The following SMIM13 variants were observed in gnomAD, a reference collection of about 807,000 sequenced individuals.
The protein encoded by SMIM13 is small integral membrane protein 13.
In SMIM13, 3 loss-of-function variants were observed where a neutral mutation model predicts 5.9. That is an observed-to-expected ratio of 0.51 (90% CI 0.23 to 1.31). The LOEUF is 1.31. SMIM13 is among the 40% of genes most tolerant of loss of function. SMIM13 has a pLI of 0.18. For synonymous variants in SMIM13, 55 were observed against 46.0 expected, an observed-to-expected ratio of 1.19 and a Z score of -0.79; for missense variants, 85 against 109.9, an observed-to-expected ratio of 0.77 and a Z score of 1.01.
intron 1 of SMIM13, chr6:11,105,305 G>A (rs1368952915): frequency 3.1e-6 from 5 of 1,610,512 alleles, no homozygotes; most frequent in African/African-American, 2.7e-5. Context: ...GCAGGAGCAG[G>A]CCCATGGTGA....
intron 1 of SMIM13, among the ~76,000 whole-genome samples, chr6:11,114,330 G>T (rs1758208556): frequency 6.6e-6 from 1 of 152,080 alleles, no homozygotes; most frequent in Non-Finnish European, 1.5e-5. Flanking sequence ...CATTGCACTG[G>T]CTAGGGCCTT....
At chr6:11,110,637 G>C (rs912196061) in intron 1 of SMIM13, among the ~76,000 whole-genome samples, 2 of 152,178 alleles carry the variant, frequency 1.3e-5, no homozygotes, top group Non-Finnish European at 2.9e-5. Context: ...CAGAACAAAT[G>C]CTTAACGAGG....
chr6:11,104,835 TG>T, intron 1 of SMIM13: 1 of 1,614,246 alleles, frequency 6.2e-7, no homozygotes, highest in Non-Finnish European at 8.5e-7. Flanking sequence ...GGTGTATGTT[TG>T]GTAAGTCTGT....
chr6:11,126,557 A>C (rs912709021), intron 1 of SMIM13, among the ~76,000 whole-genome samples: 3 of 152,162 alleles, frequency 2.0e-5, no homozygotes, highest in Non-Finnish European at 4.4e-5. Flanking sequence ...AATTTTGTTG[A>C]GCCTCCTCAA....
At chr6:11,106,267 A>G (rs1311527889) in intron 1 of SMIM13, among the ~76,000 whole-genome samples, 1 of 152,214 alleles carries the variant, frequency 6.6e-6, no homozygotes, top group Non-Finnish European at 1.5e-5. Flanking sequence ...GTCTACACAG[A>G]CCACGAGGTA....
At position 11,105,306 on chromosome 6, in the gene SMIM13, C is replaced by T; in HGVS notation, c.76+10917C>T. On this transcript the variant is annotated intron_variant, in intron 1 of 1. Coordinates refer to ENST00000416247, the MANE Select transcript of SMIM13 (RefSeq NM_001135575.2). The stretch of plus-strand genomic sequence containing the variant: ...GAGAATGAGAACCAGCAGGAGCAGG[C>T]CCATGGTGACCTAAGAGAAACTGGT... 1 of 1,609,088 alleles carries T rather than the reference C, an allele frequency of 6.2e-7. No individual in the cohort carries two copies. Among genetic ancestry groups the T allele is most frequent in the Non-Finnish European group, 8.5e-7 (1 of 1,177,372 alleles).
intron 1 of SMIM13, among the ~76,000 whole-genome samples, chr6:11,126,081 G>A (rs184635469): frequency 2.4e-4 from 37 of 151,930 alleles, no homozygotes; most frequent in African/African-American, 6.8e-4. Context: ...ATGGAGTCTC[G>A]CTCTGTTGCC....
intron 1 of SMIM13, among the ~76,000 whole-genome samples, chr6:11,128,516 G>A (rs1758407640): frequency 1.3e-5 from 2 of 152,156 alleles, no homozygotes; most frequent in Admixed American, 6.5e-5. Flanking sequence ...CATTCCTTTG[G>A]TTGCCCCAGG....
At chr6:11,115,994 C>G (rs969015758) in intron 1 of SMIM13, among the ~76,000 whole-genome samples, 10 of 143,920 alleles carry the variant, frequency 6.9e-5, no homozygotes, top group African/African-American at 2.3e-4. Context: ...GCCGGCCGGC[C>G]TTCCTTCCTT....
Sources: gnomAD v4.1 joint callset for allele counts (sites outside exome capture counted in the v4.1 genomes callset) on GRCh38, gnomAD v4.1.1 for gene constraint, MANE v1.5 for transcripts, NCBI Gene and HGNC (gene_info 2026-07-23, HGNC 2026-07-21) for gene names.